The following TPMT variants were observed in gnomAD, a reference collection of about 807,000 sequenced individuals.
TPMT encodes the protein S-adenosyl-L-methionine:thiopurine S-methyltransferase.
In TPMT, 18 loss-of-function variants were observed where a neutral mutation model predicts 34.2. The observed-to-expected ratio is 0.53, with a 90% CI of 0.36 to 0.78. The LOEUF is 0.78. Among genes scored for constraint, TPMT ranks in the 30% least tolerant of loss-of-function variants. The probability of loss-of-function intolerance (pLI) is 0.00; values close to 1 mark genes in which losing one functional copy is unlikely to be tolerated. For missense variants in TPMT, 265 were observed against 288.1 expected (o/e 0.92, Z 0.58); for synonymous variants, 69 against 92.4 (o/e 0.75, Z 1.45).
In TPMT at chr6:18,149,081, G is replaced by C. The variant is rs747615886; in HGVS notation, c.47C>G (p.Thr16Ser). 5 of 1,613,878 alleles carry C rather than the reference G, an allele frequency of 3.1e-6. No individual in the cohort carries two copies. The African/African-American group carries it at 6.7e-5, about 22-fold the overall frequency. The change falls in exon 2 of 9, where the codon ACT (threonine) becomes AGT (serine). Residue 16 changes from threonine to serine, a missense_variant. Physicochemically the swap from Thr to Ser is moderately conservative, Grantham distance 58. Coordinates refer to ENST00000309983, the MANE Select transcript of TPMT (RefSeq NM_000367.5). This position sits in a 1 kb window ranked among gnomAD's most constrained non-coding sequence, Gnocchi z 5.0. ...TSLDIEEYSDTEVQKNQVLTL... is the reference protein window; with the variant it reads ...TSLDIEEYSDSEVQKNQVLTL... ...TAGTACTTGGTTTTTCTGTACCTCAGTATCCGAGTACTCTTCAATGTCAAG... is the reference window on the plus strand; with the variant it reads ...TAGTACTTGGTTTTTCTGTACCTCACTATCCGAGTACTCTTCAATGTCAAG...
chr6:18,132,025 C>T lies in TPMT; in HGVS notation c.625+108G>A. ...CTCCTGGCCTCAGGTGATCTGCCCA[C>T]CTTGGCCTCCCAAAGTGCTGGAAAT... On this transcript the variant is annotated intron_variant, in intron 8 of 8. Transcript: ENST00000309983. This position sits in a 1 kb window ranked among gnomAD's most constrained non-coding sequence, Gnocchi z 4.8. 1 of 1,203,458 alleles carries T rather than the reference C, an allele frequency of 8.3e-7. No individual in the cohort carries two copies. The highest frequency in any genetic ancestry group is 1.7e-5 in the Admixed American group (1 of 58,022). The allele number at this position is 1,203,458 out of a possible 1,614,324, so 74.5% of individuals were successfully genotyped here.
At position 18,143,967 on chromosome 6, in the gene TPMT, CT is replaced by C. The variant is rs930711745; in HGVS notation, c.234-240del. On this transcript the variant is annotated intron_variant, in intron 3 of 8. Transcript: ENST00000309983. The surrounding 1 kb of genome is among the most constrained non-coding windows in gnomAD (Gnocchi z 6.1). ...TAAAAATTTGGAAAATTATATATAT[CT>C]TTTTTTATGTATGAAACAGTTGGAA... Among the ~76,000 whole-genome samples, 2 of 151,960 alleles carry C rather than the reference CT, an allele frequency of 1.3e-5. No homozygotes were observed. The highest frequency in any genetic ancestry group is 4.8e-5 in the African/African-American group (2 of 41,396).
Position 18,153,961 on chromosome 6 carries a change from C to T in TPMT, c.-45+1072G>A, listed in dbSNP as rs1364439595. ...TTTTTGAGACAGGGTCTCTCTCTAT[C>T]CCCCAGGCTGGAGTGCAGTGGTGTA... On this transcript the variant is annotated intron_variant, in intron 1 of 8. Coordinates refer to ENST00000309983, the MANE Select transcript of TPMT (RefSeq NM_000367.5). The surrounding 1 kb of genome is among the most constrained non-coding windows in gnomAD (Gnocchi z 4.2). Among the ~76,000 whole-genome samples the T allele has an allele frequency of 1.3e-5, 2 of 152,150 alleles. No homozygotes were observed. Among genetic ancestry groups the T allele is most frequent in the South Asian group, 2.1e-4 (1 of 4,832 alleles).
Position 18,131,386 on chromosome 6 carries a change from C to T in TPMT, c.626-606G>A, listed in dbSNP as rs1294979579. On this transcript the variant is annotated intron_variant, in intron 8 of 8. Transcript: ENST00000309983. This position sits in a 1 kb window ranked among gnomAD's most constrained non-coding sequence, Gnocchi z 4.3. ...TTGAGCCCAGGAGTTCGAGACCAGC[C>T]TGGGCAATGTGGTTAAACCCCATCT... is the stretch of plus-strand genomic sequence containing the variant. Among the ~76,000 whole-genome samples the T allele has an allele frequency of 6.6e-6, 1 of 152,122 alleles. No individual in the cohort carries two copies. Among genetic ancestry groups the T allele is most frequent in the Non-Finnish European group, 1.5e-5 (1 of 68,024 alleles).
Position 18,139,962 on chromosome 6 carries a change from G to C in TPMT, c.367-245C>G, listed in dbSNP as rs183829823. 2.6e-5 allele frequency among the ~76,000 whole-genome samples: 4 copies of C among 152,260 alleles called. No individual in the cohort carries two copies. In the East Asian group the frequency reaches 7.7e-4, roughly 29 times the overall value. ...GGACAACTTTGAAGATCAGTTGGCTGTTACTCACTTCAGAGCTTGCTATAA... is the reference window on the plus strand; with the variant it reads ...GGACAACTTTGAAGATCAGTTGGCTCTTACTCACTTCAGAGCTTGCTATAA... On this transcript the variant is annotated intron_variant, in intron 4 of 8. Coordinates refer to ENST00000309983, the MANE Select transcript of TPMT (RefSeq NM_000367.5). The surrounding 1 kb of genome is among the most constrained non-coding windows in gnomAD (Gnocchi z 4.2).
chr6:18,148,140 A>T lies in TPMT; in HGVS notation c.141-225T>A, dbSNP rs771912253. Among the ~76,000 whole-genome samples, 2 of 151,570 alleles carry T rather than the reference A, an allele frequency of 1.3e-5. No individual in the cohort carries two copies. Among genetic ancestry groups the T allele is most frequent in the Admixed American group, 6.6e-5 (1 of 15,160 alleles). ...CTTTCCTGATTAGTAATTAAAAATA[A>T]TTTTTTTTTCTTGGGGATGTTTTGA... On this transcript the variant is annotated intron_variant, in intron 2 of 8. Coordinates refer to ENST00000309983, the MANE Select transcript of TPMT (RefSeq NM_000367.5). This position sits in a 1 kb window ranked among gnomAD's most constrained non-coding sequence, Gnocchi z 4.1.
rs1238179130 is a variant in TPMT at position 18,130,840 on chromosome 6, T to C, written c.626-60A>G. 9 of 1,444,574 alleles carry C rather than the reference T, an allele frequency of 6.2e-6. No homozygotes were observed. The highest frequency in any genetic ancestry group is 8.7e-6 in the Non-Finnish European group (9 of 1,028,882). The allele number at this position is 1,444,574 out of a possible 1,614,324, so 89.5% of individuals were successfully genotyped here. A position where few individuals can be genotyped will look rare whatever the true frequency, so the allele number is the denominator to read the frequency against. On this transcript the variant is annotated intron_variant, in intron 8 of 8. Coordinates refer to ENST00000309983, the MANE Select transcript of TPMT (RefSeq NM_000367.5). The surrounding 1 kb of genome is among the most constrained non-coding windows in gnomAD (Gnocchi z 4.2). Reference sequence around the variant, plus strand: ...TGAAGAATGACATCAGGGATTCTTTTAAAAATACTCAAAATTGGCTGGGTG... The same window carrying C: ...TGAAGAATGACATCAGGGATTCTTTCAAAAATACTCAAAATTGGCTGGGTG...
At chr6:18,144,368 TTTA>T (rs1349271571) in intron 3 of TPMT, among the ~76,000 whole-genome samples, 1 of 151,168 alleles carries the variant, frequency 6.6e-6, no homozygotes, top group Non-Finnish European at 1.5e-5. Context: ...TCCTGGTAAT[TTTA>T]TTTATTTATT....
rs1783893593 is a variant in TPMT at position 18,129,454 on chromosome 6, C to G, written c.*1214G>C. On this transcript the variant is annotated 3_prime_UTR_variant, in exon 9 of 9. Transcript: ENST00000309983. ...GCCAGCACATGTGCGTGCATGCGTG[C>G]ACACACACACGTAACTCGTTTTTTA... The G allele has an allele frequency of 6.6e-6, 1 of 152,090 alleles. No homozygotes were observed. The highest frequency in any genetic ancestry group is 6.6e-5 in the Admixed American group (1 of 15,254). 9.4% of individuals were successfully genotyped at this position (152,090 alleles called of 1,614,324 possible). A position where few individuals can be genotyped will look rare whatever the true frequency, so the allele number is the denominator to read the frequency against.
chr6:18,132,204 G>C lies in TPMT; in HGVS notation c.581-27C>G. The C allele has an allele frequency of 6.2e-7, 1 of 1,608,240 alleles. No individual in the cohort carries two copies. The highest frequency in any genetic ancestry group is 8.5e-7 in the Non-Finnish European group (1 of 1,174,712). ...TAGGTAAAAGAGAAATAAATTCTGA[G>C]TTTATTTCCAATGACGTAGGTGTAC... On this transcript the variant is annotated intron_variant, in intron 7 of 8. Transcript: ENST00000309983. The surrounding 1 kb of genome is among the most constrained non-coding windows in gnomAD (Gnocchi z 4.8).
Position 18,140,677 on chromosome 6 carries a change from G to C in TPMT, c.367-960C>G, listed in dbSNP as rs1376482030. ...CCAGCCTGTGTGAGAGTAAGACCCT[G>C]TCTCAAAAACAAACACTTGGAGCAA... On this transcript the variant is annotated intron_variant, in intron 4 of 8. Coordinates refer to ENST00000309983, the MANE Select transcript of TPMT (RefSeq NM_000367.5). The surrounding 1 kb of genome is among the most constrained non-coding windows in gnomAD (Gnocchi z 4.7). 6.6e-6 allele frequency among the ~76,000 whole-genome samples: 1 copy of C among 152,022 alleles called. No homozygotes were observed. Among genetic ancestry groups the C allele is most frequent in the Non-Finnish European group, 1.5e-5 (1 of 67,994 alleles).
In TPMT at chr6:18,148,010, A is replaced by G; in HGVS notation, c.141-95T>C. On this transcript the variant is annotated intron_variant, in intron 2 of 8. Transcript: ENST00000309983. This position sits in a 1 kb window ranked among gnomAD's most constrained non-coding sequence, Gnocchi z 4.1. ...ACTTAATATTCCCAACAACCTTAAT[A>G]AGCAGTTACTATTAATTATTATAAT... 1 of 960,924 alleles carries G rather than the reference A, an allele frequency of 1.0e-6. No individual in the cohort carries two copies. The highest frequency in any genetic ancestry group is 1.7e-6 in the Non-Finnish European group (1 of 603,778). The allele number at this position is 960,924 out of a possible 1,614,324, so 59.5% of individuals were successfully genotyped here. A position where few individuals can be genotyped will look rare whatever the true frequency, so the allele number is the denominator to read the frequency against.
rs1784075187 is a variant in TPMT at position 18,138,010 on chromosome 6, C to T, written c.494+953G>A. Among the ~76,000 whole-genome samples the T allele has an allele frequency of 6.6e-6, 1 of 152,102 alleles. No individual in the cohort carries two copies. The highest frequency in any genetic ancestry group is 6.5e-5 in the Admixed American group (1 of 15,272). On this transcript the variant is annotated intron_variant, in intron 6 of 8. Transcript: ENST00000309983. This position sits in a 1 kb window ranked among gnomAD's most constrained non-coding sequence, Gnocchi z 4.1. ...GGCCAGGCTGGTCTCGAACTCCTGA[C>T]CTCAGGCGATCCGCCCACCTTGGCC...
intron 1 of TPMT, among the ~76,000 whole-genome samples, chr6:18,151,663 G>A (rs1000423008): frequency 4.6e-5 from 7 of 151,512 alleles, no homozygotes; most frequent in Non-Finnish European, 1.0e-4. Flanking sequence ...TAGTGCAGTG[G>A]CACAATACAG....
In TPMT at chr6:18,149,284, T is replaced by A; in HGVS notation, c.-44-113A>T. ...ATGACTTTTTAAAAATATTTCTTTC[T>A]TTTTTTATTTCTGGTTTTATTTTTG... On this transcript the variant is annotated intron_variant, in intron 1 of 8. Coordinates refer to ENST00000309983, the MANE Select transcript of TPMT (RefSeq NM_000367.5). The surrounding 1 kb of genome is among the most constrained non-coding windows in gnomAD (Gnocchi z 5.0). The A allele has an allele frequency of 1.0e-6, 1 of 973,490 alleles. No homozygotes were observed. Among genetic ancestry groups the A allele is most frequent in the Non-Finnish European group, 1.5e-6 (1 of 662,098 alleles). The allele number at this position is 973,490 out of a possible 1,614,324, so 60.3% of individuals were successfully genotyped here. A position where few individuals can be genotyped will look rare whatever the true frequency, so the allele number is the denominator to read the frequency against.
Position 18,143,957 on chromosome 6 carries a change from T to TTA in TPMT, c.234-231_234-230dup, listed in dbSNP as rs1784200092. Among the ~76,000 whole-genome samples the TTA allele has an allele frequency of 1.3e-5, 2 of 152,160 alleles. No individual in the cohort carries two copies. Among genetic ancestry groups the TTA allele is most frequent in the Admixed American group, 1.3e-4 (2 of 15,258 alleles). On this transcript the variant is annotated intron_variant, in intron 3 of 8. Coordinates refer to ENST00000309983, the MANE Select transcript of TPMT (RefSeq NM_000367.5). This position sits in a 1 kb window ranked among gnomAD's most constrained non-coding sequence, Gnocchi z 6.1. ...CAGGAAACAATAAAAATTTGGAAAA[T>TTA]TATATATATCTTTTTTTATGTATGA...
rs540982020 is a variant in TPMT at position 18,136,741 on chromosome 6, C to G, written c.494+2222G>C. Among the ~76,000 whole-genome samples the G allele has an allele frequency of 7.2e-5, 11 of 152,264 alleles. No homozygotes were observed. The South Asian group carries it at 2.3e-3, about 32-fold the overall frequency. On this transcript the variant is annotated intron_variant, in intron 6 of 8. Transcript: ENST00000309983. This position sits in a 1 kb window ranked among gnomAD's most constrained non-coding sequence, Gnocchi z 4.7. ...AGGAGATTCGCTTGAACCTGGCAGG[C>G]AGAGGTTGCGGTGAGCCGAGATAGT...
rs1157538032 is a variant in TPMT at position 18,143,509 on chromosome 6, C to T, written c.366+87G>A. On this transcript the variant is annotated intron_variant, in intron 4 of 8. Coordinates refer to ENST00000309983, the MANE Select transcript of TPMT (RefSeq NM_000367.5). This position sits in a 1 kb window ranked among gnomAD's most constrained non-coding sequence, Gnocchi z 6.1. Reference sequence around the variant, plus strand: ...TGCGTGCTAAATAGGAACCATCGGACACATGAATGGTATCCTCATAATACT... The same window carrying T: ...TGCGTGCTAAATAGGAACCATCGGATACATGAATGGTATCCTCATAATACT... The T allele has an allele frequency of 6.5e-7, 1 of 1,541,688 alleles. No individual in the cohort carries two copies. Among genetic ancestry groups the T allele is most frequent in the Non-Finnish European group, 8.9e-7 (1 of 1,119,624 alleles).
intron 6 of TPMT, among the ~76,000 whole-genome samples, chr6:18,137,890 A>C (rs1315079573): frequency 1.3e-5 from 2 of 152,150 alleles, no homozygotes; most frequent in African/African-American, 4.8e-5. Flanking sequence ...GGTTCAAGTG[A>C]TTCTCCTGCC....
Sources: allele counts gnomAD v4.1 joint callset (sites outside exome capture counted in the v4.1 genomes callset), GRCh38; gene constraint gnomAD v4.1.1; non-coding constraint Gnocchi (gnomAD v3.1); transcripts MANE v1.5; gene names NCBI Gene and HGNC (gene_info 2026-07-23, HGNC 2026-07-21).